The following FABP6 variants were observed in gnomAD, a reference collection of about 807,000 sequenced individuals.
The protein encoded by FABP6 is fatty acid binding protein 6, also known as gastrotropin.
FABP6 carries 13 observed loss-of-function variants against 14.9 expected under a neutral mutation model. That is an observed-to-expected ratio of 0.87 (90% CI 0.57 to 1.39). The LOEUF (loss-of-function observed/expected upper bound fraction) is 1.39, where lower values mean the gene tolerates loss of function less well. Ranked by LOEUF, FABP6 falls within the 40% of genes most tolerant of loss-of-function variation. The pLI is 0.00. For synonymous variants in FABP6, 75 were observed against 63.6 expected (o/e 1.18, Z -0.85); for missense variants, 161 against 167.2 (o/e 0.96, Z 0.20).
chr5:160,212,356 A>G (rs1182964625), intron 2 of FABP6, among the ~76,000 whole-genome samples: 1 of 151,290 alleles, frequency 6.6e-6, no homozygotes, highest in African/African-American at 2.4e-5. Flanking sequence ...GGGTTTTACC[A>G]TGTTAGCCAG....
chr5:160,195,893 C>T (rs1343422261), intron 1 of FABP6: 1 of 152,342 alleles, frequency 6.6e-6, no homozygotes, highest in East Asian at 1.9e-4. Context: ...GCTGCATCTT[C>T]ACTTCAGGGA....
At chr5:160,209,151 G>A (rs1299501672) in intron 2 of FABP6, among the ~76,000 whole-genome samples, 2 of 152,108 alleles carry the variant, frequency 1.3e-5, no homozygotes, top group Non-Finnish European at 2.9e-5. Context: ...CTACTCCAGA[G>A]GCTGAGGCTG....
upstream of FABP6, among the ~76,000 whole-genome samples, chr5:160,224,828 C>T (rs187244020): frequency 0.015 from 2,183 of 149,914 alleles, 58 homozygotes; most frequent in African/African-American, 0.05. Context: ...CCCAGGCTGG[C>T]GTGCAGTGGC....
intron 2 of FABP6, among the ~76,000 whole-genome samples, chr5:160,206,522 C>T (rs976394372): frequency 1.3e-5 from 2 of 152,138 alleles, no homozygotes; most frequent in African/African-American, 4.8e-5. Flanking sequence ...ATACATCCTC[C>T]TAGGTACACA....
At chr5:160,213,274 T>A (rs1016432681) in intron 2 of FABP6, among the ~76,000 whole-genome samples, 1 of 152,226 alleles carries the variant, frequency 6.6e-6, no homozygotes, top group Non-Finnish European at 1.5e-5. Flanking sequence ...CATCGCCCGA[T>A]GGCAATGAGG....
chr5:160,199,483 C>A (rs1759585059), intron 2 of FABP6, among the ~76,000 whole-genome samples: 2 of 152,142 alleles, frequency 1.3e-5, no homozygotes, highest in African/African-American at 4.8e-5. Context: ...CCTCCTGCGC[C>A]ACCCCGGGCC....
upstream of FABP6, among the ~76,000 whole-genome samples, chr5:160,226,527 C>G (rs996355063): frequency 3.3e-5 from 4 of 121,454 alleles, no homozygotes; most frequent in Non-Finnish European, 6.8e-5. Context: ...CCCCATGAGA[C>G]TGTCTCAAAA....
intron 2 of FABP6, among the ~76,000 whole-genome samples, chr5:160,212,212 T>C (rs888373850): frequency 1.3e-5 from 2 of 152,092 alleles, no homozygotes; most frequent in African/African-American, 4.8e-5. Flanking sequence ...TGGAGTGCAG[T>C]GTCACAATCT....
In FABP6 at chr5:160,199,017, T is replaced by G. The variant is rs866720028; in HGVS notation, c.-58-32T>G. The G allele has an allele frequency of 2.2e-6, 3 of 1,362,290 alleles. No individual in the cohort carries two copies. In the East Asian group the frequency reaches 6.9e-5, roughly 31 times the overall value. 84.4% of individuals were successfully genotyped at this position (1,362,290 alleles called of 1,614,324 possible). A position where few individuals can be genotyped will look rare whatever the true frequency, so the allele number is the denominator to read the frequency against. Reference sequence around the variant, plus strand: ...ACAATGAGATGGTCTCCAGAGCCCCTCCCAGCGTGCTGGCTTTTTGTGTCA... The same window carrying G: ...ACAATGAGATGGTCTCCAGAGCCCCGCCCAGCGTGCTGGCTTTTTGTGTCA... On this transcript the variant is annotated intron_variant, in intron 1 of 6. Transcript: ENST00000393980.
intron 1 of FABP6, among the ~76,000 whole-genome samples, chr5:160,189,508 G>C (rs1010146877): frequency 2.0e-5 from 3 of 152,122 alleles, no homozygotes; most frequent in Non-Finnish European, 4.4e-5. Context: ...CTCCCAAAGT[G>C]TTGGAATTAC....
At position 160,213,813 on chromosome 5, in the gene FABP6, AG is replaced by A; in HGVS notation, c.131del (p.Gly44GlufsTer25). On this transcript the variant is annotated frameshift_variant, in exon 3 of 7. Coordinates refer to the FABP6 transcript ENST00000393980. LOFTEE classifies it high-confidence loss of function. ...TGCAGAGAATGAAACAGACACATAA[AG>A]GAAAGGTATGGGGTAGAAGAAGGGA... is the stretch of plus-strand genomic sequence containing the variant. The A allele has an allele frequency of 6.2e-7, 1 of 1,613,610 alleles. No individual in the cohort carries two copies. Among genetic ancestry groups the A allele is most frequent in the Non-Finnish European group, 8.5e-7 (1 of 1,179,612 alleles).
At chr5:160,231,441 G>A (rs540977971) in intron 1 of FABP6, among the ~76,000 whole-genome samples, 26 of 152,250 alleles carry the variant, frequency 1.7e-4, no homozygotes, top group East Asian at 3.9e-4. Flanking sequence ...TAGCCCAGGC[G>A]GAACTGCAGT....
At chr5:160,237,535 T>C (rs1760543704) in intron 3 of FABP6, among the ~76,000 whole-genome samples, 2 of 152,028 alleles carry the variant, frequency 1.3e-5, no homozygotes. Context: ...TTTGTAAGCA[T>C]CCCTCCTGCC....
At chr5:160,225,923 C>T (rs1760234917), upstream of FABP6, among the ~76,000 whole-genome samples, 1 of 151,968 alleles carries the variant, frequency 6.6e-6, no homozygotes, top group African/African-American at 2.4e-5. Flanking sequence ...CCTGTAATAC[C>T]CGCATTTTGG....
At chr5:160,193,328 C>T (rs6887142) in intron 1 of FABP6, among the ~76,000 whole-genome samples, 34,195 of 151,860 alleles carry the variant, frequency 0.23, 3,895 homozygotes, top group South Asian at 0.25. Flanking sequence ...CAGACTTTCA[C>T]GGTAAGTGTT....
chr5:160,207,267 C>T (rs1007205301), intron 2 of FABP6, among the ~76,000 whole-genome samples: 3 of 152,242 alleles, frequency 2.0e-5, no homozygotes, highest in African/African-American at 7.2e-5. Flanking sequence ...ATCCGACTCC[C>T]AGGGTCACAT....
intron 2 of FABP6, among the ~76,000 whole-genome samples, chr5:160,233,128 T>C (rs189702122): frequency 1.3e-5 from 2 of 151,430 alleles, no homozygotes; most frequent in South Asian, 2.1e-4. Context: ...ATTACAGGCG[T>C]GCACCACCAC....
intron 2 of FABP6, among the ~76,000 whole-genome samples, chr5:160,203,921 G>A (rs1002242950): frequency 4.6e-5 from 7 of 151,892 alleles, no homozygotes; most frequent in African/African-American, 1.7e-4. Context: ...GGCTGATCTC[G>A]AACTCCTGAC....
intron 1 of FABP6, among the ~76,000 whole-genome samples, chr5:160,194,934 TTTG>T (rs1200249864): frequency 6.6e-6 from 1 of 152,192 alleles, no homozygotes; most frequent in African/African-American, 2.4e-5. Context: ...TCAAGGAATA[TTTG>T]TTGTCTGAAT....
Sources: gnomAD v4.1 joint callset for allele counts (sites outside exome capture counted in the v4.1 genomes callset) on GRCh38, gnomAD v4.1.1 for gene constraint, MANE v1.5 for transcripts, NCBI Gene and HGNC (gene_info 2026-07-23, HGNC 2026-07-21) for gene names.